The following NAALADL1 variants were observed in gnomAD, a reference collection of about 807,000 sequenced individuals.
NAALADL1 encodes the protein aminopeptidase NAALADL1.
NAALADL1 carries 77 observed loss-of-function variants against 82.8 expected under a neutral mutation model. The ratio of observed to expected loss-of-function variants is 0.93; its 90% CI spans 0.77 to 1.12. NAALADL1 has a LOEUF of 1.12. Ranked by LOEUF, NAALADL1 falls within the 50% of genes most tolerant of loss-of-function variation. NAALADL1 has a pLI of 0.00. For missense variants in NAALADL1, 956 were observed against 964.0 expected, an observed-to-expected ratio of 0.99 and a Z score of 0.11; for synonymous variants, 358 against 399.2, an observed-to-expected ratio of 0.90 and a Z score of 1.23.
In NAALADL1 at chr11:65,054,926, C is replaced by T. The variant is rs1313560199; in HGVS notation, c.604-188G>A. The stretch of plus-strand genomic sequence containing the variant: ...AAGGCCAGTTCGGCACAGCCAAGCC[C>T]GTGCCTATCAGTGGAGTCTGGTTGA... On this transcript the variant is annotated intron_variant, in intron 4 of 17. Transcript: ENST00000358658. The surrounding 1 kb of genome is among the most constrained non-coding windows in gnomAD (Gnocchi z 4.3). Among the ~76,000 whole-genome samples, 41 of 152,198 alleles carry T rather than the reference C, an allele frequency of 2.7e-4. No individual in the cohort carries two copies. Among genetic ancestry groups the T allele is most frequent in the Admixed American group, 2.6e-3 (40 of 15,278 alleles).
rs199772472 is a variant in NAALADL1, at chr11:65,057,929, C to T, written c.426G>A (p.Gly142=). ...CATAGGGTTGTACCACATCTGGCCC[C>T]CCTTGCTCCCCGGTCACGTTCTCCT... ...RTEENVTGEQ[G]GPDVVQPYAA... is the part of the protein sequence containing the mutation. Residue 142 remains glycine (G), a synonymous_variant, in exon 3 of 18, where the codon GGG becomes GGA. Transcript: ENST00000358658. 5.6e-6 allele frequency: 9 copies of T among 1,613,968 alleles called. No individual in the cohort carries two copies. Among genetic ancestry groups the T allele is most frequent in the Middle Eastern group, 1.6e-4 (1 of 6,082 alleles).
At chr11:65,050,994 T>C (rs1287620391) in intron 8 of NAALADL1, among the ~76,000 whole-genome samples, 1 of 151,964 alleles carries the variant, frequency 6.6e-6, no homozygotes, top group Non-Finnish European at 1.5e-5. Flanking sequence ...GCCTGGCCCA[T>C]ATATTATACA....
rs1204079981 is a variant in NAALADL1 at position 65,058,336 on chromosome 11, C to T, written c.185+1G>A. The stretch of plus-strand genomic sequence containing the variant: ...GAGGAGCAGATGGCCCCACTTCTCA[C>T]CTGAGGTTCTCCCGGATCCTGTGGG... On this transcript the variant is annotated splice_donor_variant, in intron 1 of 17. Coordinates refer to ENST00000358658, the MANE Select transcript of NAALADL1 (RefSeq NM_005468.3). LOFTEE classifies it high-confidence loss of function. 1 of 1,614,100 alleles carries T rather than the reference C, an allele frequency of 6.2e-7. No homozygotes were observed. Among genetic ancestry groups the T allele is most frequent in the Admixed American group, 1.7e-5 (1 of 60,014 alleles).
rs1244502563 is a variant in NAALADL1, at chr11:65,048,347, A to G, written c.1237T>C (p.Trp413Arg). 3.7e-6 allele frequency: 6 copies of G among 1,614,158 alleles called. No homozygotes were observed. The highest frequency in any genetic ancestry group is 5.1e-6 in the Non-Finnish European group (6 of 1,180,020). The change falls in exon 9 of 18, where the codon TGG becomes CGG. Residue 413 changes from tryptophan (W) to arginine (R), a missense_variant. Coordinates refer to ENST00000358658, the MANE Select transcript of NAALADL1 (RefSeq NM_005468.3). ...ATGAGCCCAAACTCCTCAGCCCCCC[A>G]GCTCGCAAACACGATTGATCTGCGA... is the stretch of plus-strand genomic sequence containing the variant. The part of the protein sequence containing the change: ...RPRRSIVFAS[W>R]GAEEFGLIGS...
At position 65,045,317 on chromosome 11, in the gene NAALADL1, G is replaced by A; in HGVS notation, c.2177C>T (p.Ala726Val). The stretch of plus-strand genomic sequence containing the variant: ...CAGGGTGGCTGCCGCACCCTCCAGG[G>A]CTGTCACCACAATGCTGAGCTGTCT... ...VQRQLSIVVT[A>V]LEGAAATLRP... The change falls in exon 18 of 18, where the codon GCC becomes GTC. Residue 726 changes from alanine (A) to valine (V), a missense_variant. Transcript: ENST00000358658. 4 of 1,611,042 alleles carry A rather than the reference G, an allele frequency of 2.5e-6. No individual in the cohort carries two copies. The highest frequency in any genetic ancestry group is 2.2e-5 in the South Asian group (2 of 90,446).
upstream of NAALADL1, among the ~76,000 whole-genome samples, chr11:65,059,698 A>C (rs1947142286): frequency 6.6e-6 from 1 of 152,176 alleles, no homozygotes; most frequent in Non-Finnish European, 1.5e-5. Flanking sequence ...AGCACTGTTC[A>C]TTCTGTGCTA....
rs772883110 is a variant in NAALADL1 at position 65,048,122 on chromosome 11, C to T, written c.1348+30G>A. On this transcript the variant is annotated intron_variant, in intron 10 of 17. Coordinates refer to ENST00000358658, the MANE Select transcript of NAALADL1 (RefSeq NM_005468.3). ...ACCCACCCAGTCGTCCCGCCGTCTC[C>T]TCCCCTTTCCTGCCCCACCACCCAC... 7 of 1,614,126 alleles carry T rather than the reference C, an allele frequency of 4.3e-6. No homozygotes were observed. The South Asian group carries it at 5.5e-5, about 13-fold the overall frequency.
rs755527800 is a variant in NAALADL1 at position 65,048,059 on chromosome 11, A to G, written c.1349-11T>C. 1 of 1,613,326 alleles carries G rather than the reference A, an allele frequency of 6.2e-7. No homozygotes were observed. Among genetic ancestry groups the G allele is most frequent in the Admixed American group, 1.7e-5 (1 of 59,958 alleles). The stretch of plus-strand genomic sequence containing the variant: ...TAAGGGTAGCGTTGGCTGTGGGAGG[A>G]GGGGAGAAAGACTATTTGGGCCCCA... On this transcript the variant is annotated splice_polypyrimidine_tract_variant and intron_variant, in intron 10 of 17. Coordinates refer to ENST00000358658, the MANE Select transcript of NAALADL1 (RefSeq NM_005468.3).
At position 65,053,219 on chromosome 11, in the gene NAALADL1, C is replaced by G. The variant is rs993345791; in HGVS notation, c.1197G>C (p.Lys399Asn). The G allele has an allele frequency of 7.8e-6, 12 of 1,541,408 alleles. No individual in the cohort carries two copies. The highest frequency in any genetic ancestry group is 1.1e-5 in the Non-Finnish European group (12 of 1,142,208). The change falls in exon 8 of 18, where the codon AAG (lysine) becomes AAC (asparagine). Residue 399 changes from lysine (K) to asparagine (N), a missense_variant and splice_region_variant. Lys to Asn is a moderately conservative substitution (Grantham distance 94). Coordinates refer to ENST00000358658, the MANE Select transcript of NAALADL1 (RefSeq NM_005468.3). This position sits in a 1 kb window ranked among gnomAD's most constrained non-coding sequence, Gnocchi z 4.3. ...LSRVLGTLLK[K>N]GTWRPRRSIV... ...GTCCAGGGGAGGGGGCCGCCTCACCCTTCTTCAGCAGGGTCCCCAGGACAC... is the reference window on the plus strand; with the variant it reads ...GTCCAGGGGAGGGGGCCGCCTCACCGTTCTTCAGCAGGGTCCCCAGGACAC...
upstream of NAALADL1, among the ~76,000 whole-genome samples, chr11:65,060,364 C>T (rs551261111): frequency 1.2e-4 from 19 of 152,214 alleles, no homozygotes; most frequent in African/African-American, 2.4e-4. Flanking sequence ...TGATTATCGA[C>T]GCCCAGAATA....
chr11:65,055,318 T>A (rs928137375), intron 4 of NAALADL1, among the ~76,000 whole-genome samples: 1 of 152,124 alleles, frequency 6.6e-6, no homozygotes, highest in African/African-American at 2.4e-5. Context: ...ACACCTGTAG[T>A]CCCAGCTATT....
At chr11:65,047,097 A>G (rs2136971539) in intron 13 of NAALADL1, among the ~76,000 whole-genome samples, 1 of 152,238 alleles carries the variant, frequency 6.6e-6, no homozygotes, top group South Asian at 2.1e-4. Flanking sequence ...GCATAACATA[A>G]CGGCACATCT....
Position 65,048,184 on chromosome 11 carries a change from A to T in NAALADL1, c.1316T>A (p.Val439Glu), listed in dbSNP as rs1273933067. 3.1e-6 allele frequency: 5 copies of T among 1,612,928 alleles called. No homozygotes were observed. The highest frequency in any genetic ancestry group is 4.2e-6 in the Non-Finnish European group (5 of 1,179,864). The part of the protein sequence containing the change: ...EFFNKLQERT[V>E]AYINVDISVF... Reference sequence around the variant, plus strand: ...CGAGATGTCCACGTTGATGTAGGCCACCGTGCGCTCCTGCAGCTTGTTGAA... The same window carrying T: ...CGAGATGTCCACGTTGATGTAGGCCTCCGTGCGCTCCTGCAGCTTGTTGAA... The change falls in exon 10 of 18, where the codon GTG becomes GAG. Residue 439 changes from valine to glutamate, a missense_variant. Val to Glu is a moderately radical substitution (Grantham distance 121). Coordinates refer to ENST00000358658, the MANE Select transcript of NAALADL1 (RefSeq NM_005468.3).
At chr11:65,047,300 C>T (rs1166704732) in intron 13 of NAALADL1, among the ~76,000 whole-genome samples, 175 bp downstream of exon 13, 1 of 151,764 alleles carries the variant, frequency 6.6e-6, no homozygotes, top group Non-Finnish European at 1.5e-5. Flanking sequence ...AGGACTTCGT[C>T]TATATAAAAC....
At chr11:65,052,138 C>T (rs1236003521) in intron 8 of NAALADL1, among the ~76,000 whole-genome samples, 8 of 152,184 alleles carry the variant, frequency 5.3e-5, no homozygotes, top group Admixed American at 3.9e-4. Context: ...AATGTCGAGT[C>T]GCTTAGACCA....
Position 65,047,646 on chromosome 11 carries a change from C to G in NAALADL1, c.1508+1G>C. 2 of 1,602,664 alleles carry G rather than the reference C, an allele frequency of 1.2e-6. No homozygotes were observed. Among genetic ancestry groups the G allele is most frequent in the Non-Finnish European group, 1.7e-6 (2 of 1,175,744 alleles). ...GGGCCCCCTTCTGTCCCTGGGCTTACCTGGGGACCAGGCCGTACACCGGGC... is the reference window on the plus strand; with the variant it reads ...GGGCCCCCTTCTGTCCCTGGGCTTAGCTGGGGACCAGGCCGTACACCGGGC... On this transcript the variant is annotated splice_donor_variant, in intron 12 of 17. Transcript: ENST00000358658. LOFTEE classifies it high-confidence loss of function.
chr11:65,060,448 C>A (rs1252376405), upstream of NAALADL1, among the ~76,000 whole-genome samples: 15 of 152,112 alleles, frequency 9.9e-5, no homozygotes, highest in Admixed American at 9.8e-4. Flanking sequence ...AGGACAGTCA[C>A]CACCAGGTGG....
chr11:65,058,443 C>T lies in NAALADL1; in HGVS notation c.79G>A (p.Ala27Thr), dbSNP rs1419059547. Reference protein sequence around the residue: ...LGLGIILGHFAIPKKANSLAP... With the variant: ...LGLGIILGHFTIPKKANSLAP... ...AGTGAGTTGGCTTTTTTGGGGATGG[C>T]AAAGTGGCCGAGGATGATCCCCAGC... Residue 27 changes from alanine (A) to threonine (T), a missense_variant, in exon 1 of 18, where the codon GCC becomes ACC. By Grantham distance (58) the Ala-to-Thr change is moderately conservative (BLOSUM62 0). Transcript: ENST00000358658. 2 of 1,614,002 alleles carry T rather than the reference C, an allele frequency of 1.2e-6. No individual in the cohort carries two copies. Among genetic ancestry groups the T allele is most frequent in the Non-Finnish European group, 1.7e-6 (2 of 1,179,950 alleles).
In NAALADL1 at chr11:65,047,543, T is replaced by C. The variant is rs1218852108; in HGVS notation, c.1531A>G (p.Ser511Gly). ...AAGTGAACGAAGGGTGCATAGTCGC[T>C]GCCAGCACCCAGAGAACCCAAGCTG... ...VPSLGSLGAG[S>G]DYAPFVHFLG... Residue 511 changes from serine to glycine, a missense_variant, in exon 13 of 18, where the codon AGC becomes GGC. By Grantham distance (56) the Ser-to-Gly change is moderately conservative. Coordinates refer to ENST00000358658, the MANE Select transcript of NAALADL1 (RefSeq NM_005468.3). 1.3e-6 allele frequency: 2 copies of C among 1,572,108 alleles called. No individual in the cohort carries two copies. The highest frequency in any genetic ancestry group is 2.3e-5 in the East Asian group (1 of 42,616).
Sources: allele counts gnomAD v4.1 joint callset (sites outside exome capture counted in the v4.1 genomes callset), GRCh38; gene constraint gnomAD v4.1.1; non-coding constraint Gnocchi (gnomAD v3.1); transcripts MANE v1.5; gene names NCBI Gene and HGNC (gene_info 2026-07-23, HGNC 2026-07-21).